COL6A6: variants seen among roughly 807,000 people sequenced by gnomAD.
COL6A6 encodes the protein collagen alpha-6(VI) chain.
In COL6A6, 183 loss-of-function variants were observed where a neutral mutation model predicts 208.6. The ratio of observed to expected loss-of-function variants is 0.88; its 90% CI spans 0.78 to 0.99. COL6A6 has a LOEUF of 0.99. Ranked by LOEUF, COL6A6 falls within the 50% of genes least tolerant of loss-of-function variation. COL6A6 has a pLI of 0.00. For missense variants in COL6A6, 2,816 were observed against 2,815.2 expected, an observed-to-expected ratio of 1.00 and a Z score of -0.01; for synonymous variants, 973 against 1,011.8, an observed-to-expected ratio of 0.96 and a Z score of 0.73.
chr3:130,574,575 G>C (rs758336375), intron 8 of COL6A6, 50 bp downstream of exon 8: 1 of 1,475,622 alleles, frequency 6.8e-7, no homozygotes, highest in South Asian at 1.2e-5. Context: ...ATCTTCTCTG[G>C]CATTTTCTTC....
rs2065363693 is a variant in COL6A6 at position 130,643,022 on chromosome 3, T to C, written c.5226T>C (p.Ser1742=). 6.2e-7 allele frequency: 1 copy of C among 1,613,306 alleles called. No homozygotes were observed. Among genetic ancestry groups the C allele is most frequent in the Non-Finnish European group, 8.5e-7 (1 of 1,179,420 alleles). Residue 1742 remains serine (S), a splice_region_variant and synonymous_variant, in exon 31 of 37, where the codon AGT becomes AGC. Coordinates refer to ENST00000358511, the MANE Select transcript of COL6A6 (RefSeq NM_001102608.3). ...CELIQYVRDR[S]PGRHGKPECP... ...TCATTCAGTATGTGCGAGACCGCAG[T>C]CGTAAGTACCCTGCTTAAAATGATC...
rs779059898 is a variant in COL6A6, at chr3:130,662,269, G to A, written c.6463G>A (p.Gly2155Ser). The A allele has an allele frequency of 1.9e-6, 3 of 1,613,706 alleles. No homozygotes were observed. Among genetic ancestry groups the A allele is most frequent in the East Asian group, 2.2e-5 (1 of 44,884 alleles). The change falls in exon 35 of 37, where the codon GGT becomes AGT. Residue 2155 changes from glycine (G) to serine (S), a missense_variant. By Grantham distance (56) the Gly-to-Ser change is moderately conservative (BLOSUM62 0). Coordinates refer to ENST00000358511, the MANE Select transcript of COL6A6 (RefSeq NM_001102608.3). ...AATTCATAAACCTGACCACAGTTATGGTGTGAAGTTTGTGAAGTCCTTTAT... is the reference window on the plus strand; with the variant it reads ...AATTCATAAACCTGACCACAGTTATAGTGTGAAGTTTGTGAAGTCCTTTAT... ...GRIHKPDHSY[G>S]VKFVKSFINS...
At chr3:130,524,746 G>A (rs1048414543) in intron 1 of COL6A6, among the ~76,000 whole-genome samples, 2 of 152,178 alleles carry the variant, frequency 1.3e-5, no homozygotes, top group African/African-American at 4.8e-5. Flanking sequence ...ATCTCAATCA[G>A]CAGTAGCAAA....
rs1436784328 is a variant in COL6A6, at chr3:130,563,075, G to T, written c.72G>T (p.Glu24Asp). ...HISVNQDSGP[E>D]YADVVFLVDS... ...ATGTTTGTGGTTTTGCAGGCCCTGA[G>T]TATGCAGATGTTGTGTTTTTGGTGG... The change falls in exon 3 of 37, where the codon GAG (glutamate) becomes GAT (aspartate). Residue 24 changes from glutamate (E) to aspartate (D), a missense_variant. By Grantham distance (45) the Glu-to-Asp change is conservative. Transcript: ENST00000358511. The T allele has an allele frequency of 6.2e-7, 1 of 1,607,612 alleles. No homozygotes were observed. The highest frequency in any genetic ancestry group is 8.5e-7 in the Non-Finnish European group (1 of 1,175,894).
chr3:130,645,450 G>A (rs1269553342), intron 32 of COL6A6, among the ~76,000 whole-genome samples: 1 of 152,008 alleles, frequency 6.6e-6, no homozygotes, highest in African/African-American at 2.4e-5. Context: ...ACTAATTTTT[G>A]TATTTTTTGT....
chr3:130,662,228 T>A lies in COL6A6; in HGVS notation c.6422T>A (p.Leu2141Gln). Residue 2141 changes from leucine (L) to glutamine (Q), a missense_variant, in exon 35 of 37, where the codon CTG becomes CAG. By Grantham distance (113) the Leu-to-Gln change is moderately radical (BLOSUM62 -2). Coordinates refer to ENST00000358511, the MANE Select transcript of COL6A6 (RefSeq NM_001102608.3). ...GCCAGCCACCCTTTGGATCACCACC[T>A]GGTCCAGCTTGGCCGAATTCATAAA... ...DLASHPLDHH[L>Q]VQLGRIHKPD... 1 of 1,614,032 alleles carries A rather than the reference T, an allele frequency of 6.2e-7. No individual in the cohort carries two copies. The highest frequency in any genetic ancestry group is 8.5e-7 in the Non-Finnish European group (1 of 1,179,892).
At chr3:130,654,891 C>T (rs935562633) in intron 33 of COL6A6, among the ~76,000 whole-genome samples, 1 of 152,134 alleles carries the variant, frequency 6.6e-6, no homozygotes, top group African/African-American at 2.4e-5. Context: ...GCACTTGCTG[C>T]AGATTGGTTG....
chr3:130,536,415 TGTG>T (rs2062226218), intron 1 of COL6A6, among the ~76,000 whole-genome samples: 1 of 152,244 alleles, frequency 6.6e-6, no homozygotes, highest in South Asian at 2.1e-4. Context: ...TACCTGCCCT[TGTG>T]GTACTCACAT....
At chr3:130,520,336 A>G (rs72990288) in intron 1 of COL6A6, among the ~76,000 whole-genome samples, 4 of 152,334 alleles carry the variant, frequency 2.6e-5, no homozygotes, top group African/African-American at 9.6e-5. Context: ...ATCCTTTACA[A>G]AATAGTGACT....
At chr3:130,550,938 T>A (rs917503564) in intron 1 of COL6A6, among the ~76,000 whole-genome samples, 3 of 152,244 alleles carry the variant, frequency 2.0e-5, no homozygotes, top group African/African-American at 7.2e-5. Context: ...TTGTTTTTAG[T>A]TCTGTTTGTG....
chr3:130,555,788 ATTAT>A (rs1330278176), intron 1 of COL6A6, among the ~76,000 whole-genome samples: 3 of 152,088 alleles, frequency 2.0e-5, no homozygotes, highest in African/African-American at 4.8e-5. Flanking sequence ...TTTATAGTTT[ATTAT>A]TTAAGCTATT....
At chr3:130,582,673 C>A (rs1317518762) in intron 10 of COL6A6, among the ~76,000 whole-genome samples, 1 of 152,054 alleles carries the variant, frequency 6.6e-6, no homozygotes, top group African/African-American at 2.4e-5. Context: ...CAAAGAAGTT[C>A]TTGTTTGACT....
At chr3:130,533,501 ATAATG>A (rs1214244056) in intron 1 of COL6A6, among the ~76,000 whole-genome samples, 5 of 152,206 alleles carry the variant, frequency 3.3e-5, no homozygotes, top group Admixed American at 6.5e-5. Context: ...AGCATAGTGA[ATAATG>A]TAATAACTAT....
In COL6A6 at chr3:130,675,605, T is replaced by G. The variant is rs758427000; in HGVS notation, c.*208T>G. 4.4e-5 allele frequency: 19 copies of G among 431,982 alleles called. No individual in the cohort carries two copies. Among genetic ancestry groups the G allele is most frequent in the Non-Finnish European group, 7.4e-5 (18 of 244,014 alleles). The allele number at this position is 431,982 out of a possible 1,614,324, so 26.8% of individuals were successfully genotyped here. A position where few individuals can be genotyped will look rare whatever the true frequency, so the allele number is the denominator to read the frequency against. Reference sequence around the variant, plus strand: ...CTCTACGACTGATATGTCGAAGAACTGTTTCATTAGAAGACAGAAGAATGA... The same window carrying G: ...CTCTACGACTGATATGTCGAAGAACGGTTTCATTAGAAGACAGAAGAATGA... On this transcript the variant is annotated 3_prime_UTR_variant, in exon 37 of 37. Transcript: ENST00000358511.
intron 33 of COL6A6, among the ~76,000 whole-genome samples, chr3:130,654,178 A>C (rs1398972597): frequency 1.3e-5 from 2 of 152,234 alleles, no homozygotes; most frequent in Non-Finnish European, 2.9e-5. Context: ...GTTTGGGGAG[A>C]GCAAAACTTA....
intron 8 of COL6A6, 103 bp from the exon 9 acceptor site, chr3:130,581,458 A>G: frequency 1.2e-6 from 1 of 813,292 alleles, no homozygotes; most frequent in South Asian, 2.1e-5. Context: ...TTCCAACTTT[A>G]TAACTGAAAT....
rs531799741 is a variant in COL6A6, at chr3:130,563,729, G to A, written c.661+65G>A. 7 of 1,098,126 alleles carry A rather than the reference G, an allele frequency of 6.4e-6. No homozygotes were observed. In the East Asian group the frequency reaches 1.2e-4, roughly 19 times the overall value. 68.0% of individuals were successfully genotyped at this position (1,098,126 alleles called of 1,614,324 possible). ...CTTTTGAAAAATTAAAATGGGGAGA[G>A]GATTGAAATTCTATGAATATTCCTA... On this transcript the variant is annotated intron_variant, in intron 3 of 36. Coordinates refer to ENST00000358511, the MANE Select transcript of COL6A6 (RefSeq NM_001102608.3).
chr3:130,655,971 G>A (rs748133545), intron 33 of COL6A6, among the ~76,000 whole-genome samples: 4 of 152,222 alleles, frequency 2.6e-5, no homozygotes, highest in Non-Finnish European at 2.9e-5. Context: ...AGCTCCCTGC[G>A]AGGCTGTGGC....
chr3:130,646,054 A>C (rs2065454001), intron 32 of COL6A6, among the ~76,000 whole-genome samples: 1 of 152,352 alleles, frequency 6.6e-6, no homozygotes, highest in Admixed American at 6.5e-5. Context: ...ATCACAAACA[A>C]ATAAACAAAG....
Sources: gnomAD v4.1 joint callset for allele counts (sites outside exome capture counted in the v4.1 genomes callset) on GRCh38, gnomAD v4.1.1 for gene constraint, MANE v1.5 for transcripts, NCBI Gene and HGNC (gene_info 2026-07-23, HGNC 2026-07-21) for gene names.